The following MBOAT2 variants were observed in gnomAD, a reference collection of about 807,000 sequenced individuals.
The protein encoded by MBOAT2 is membrane bound glycerophospholipid O-acyltransferase 2, also known as membrane-bound glycerophospholipid O-acyltransferase 2.
A neutral mutation model predicts 63.4 loss-of-function variants in MBOAT2; 28 were observed. That is an observed-to-expected ratio of 0.44 (90% CI 0.33 to 0.61). MBOAT2 has a LOEUF of 0.61. Among genes scored for constraint, MBOAT2 ranks in the 20% least tolerant of loss-of-function variants. The pLI is 0.03. For missense variants in MBOAT2, 470 were observed against 605.8 expected (o/e 0.78, Z 2.35); for synonymous variants, 211 against 215.6 (o/e 0.98, Z 0.19).
At chr2:8,964,469 A>G (rs1669847006) in intron 1 of MBOAT2, among the ~76,000 whole-genome samples, 1 of 151,296 alleles carries the variant, frequency 6.6e-6, no homozygotes. Flanking sequence ...ACTAATTTAC[A>G]TATTGCATTG....
intron 3 of MBOAT2, among the ~76,000 whole-genome samples, chr2:8,913,631 C>T (rs555901629): frequency 2.0e-5 from 3 of 152,084 alleles, no homozygotes; most frequent in African/African-American, 7.3e-5. Context: ...CAATGTGATA[C>T]CACCTTACTC....
chr2:8,988,239 T>C (rs1461288748), intron 1 of MBOAT2, among the ~76,000 whole-genome samples: 2 of 152,216 alleles, frequency 1.3e-5, no homozygotes, highest in East Asian at 1.9e-4. Context: ...GTAGCATCCT[T>C]AAATTGGTGG....
At chr2:8,978,522 G>C (rs142578924) in intron 1 of MBOAT2, among the ~76,000 whole-genome samples, 7 of 152,158 alleles carry the variant, frequency 4.6e-5, no homozygotes, top group African/African-American at 1.7e-4. Context: ...GCCCAAATAA[G>C]AACTGTGATC....
chr2:8,996,773 A>G (rs1381396068), intron 1 of MBOAT2, among the ~76,000 whole-genome samples: 1 of 152,192 alleles, frequency 6.6e-6, no homozygotes. Context: ...CTTTGTAAAT[A>G]GCTCTTTAAG....
chr2:8,975,323 T>C (rs1670739187), intron 1 of MBOAT2, among the ~76,000 whole-genome samples: 1 of 152,138 alleles, frequency 6.6e-6, no homozygotes, highest in South Asian at 2.1e-4. Context: ...TTTAAAGTAA[T>C]TTCTGTACGT....
chr2:8,864,752 T>C lies in MBOAT2; in HGVS notation c.988-518A>G, dbSNP rs1661741086. On this transcript the variant is annotated intron_variant, in intron 9 of 12. Coordinates refer to ENST00000305997, the MANE Select transcript of MBOAT2 (RefSeq NM_138799.4). ...CTGCACACCCAGGTCTCACAGGGCATCCCACCTTCCCAGCTTCCTCTCTCA... is the reference window on the plus strand; with the variant it reads ...CTGCACACCCAGGTCTCACAGGGCACCCCACCTTCCCAGCTTCCTCTCTCA... 3.3e-5 allele frequency among the ~76,000 whole-genome samples: 5 copies of C among 152,220 alleles called. No individual in the cohort carries two copies. The South Asian group carries it at 1.0e-3, about 32-fold the overall frequency.
intron 2 of MBOAT2, among the ~76,000 whole-genome samples, chr2:8,955,736 C>G (rs546400360): frequency 2.6e-5 from 4 of 152,322 alleles, no homozygotes; most frequent in Admixed American, 1.3e-4. Flanking sequence ...CAAACAGCAT[C>G]ACATGCTACA....
chr2:8,924,270 T>G (rs1666786759), intron 3 of MBOAT2, among the ~76,000 whole-genome samples: 2 of 152,116 alleles, frequency 1.3e-5, no homozygotes, highest in African/African-American at 4.8e-5. Flanking sequence ...AGGATCCCAT[T>G]TCACTGATTA....
chr2:8,960,928 A>G (rs936628808), intron 1 of MBOAT2, among the ~76,000 whole-genome samples: 1 of 152,240 alleles, frequency 6.6e-6, no homozygotes, highest in Non-Finnish European at 1.5e-5. Context: ...GCACTTGGAC[A>G]TGAAAGCGCA....
intron 1 of MBOAT2, among the ~76,000 whole-genome samples, chr2:8,959,167 C>T (rs1480443993): frequency 1.3e-5 from 2 of 152,124 alleles, no homozygotes; most frequent in Non-Finnish European, 2.9e-5. Context: ...GAATCTACTG[C>T]GGCCTAAACA....
At chr2:8,873,025 A>C in intron 8 of MBOAT2, 83 bp downstream of exon 8, 1 of 1,311,770 alleles carries the variant, frequency 7.6e-7, no homozygotes, top group Non-Finnish European at 1.1e-6. Flanking sequence ...TGTATCCTCA[A>C]GAGGGCGCAC....
intron 3 of MBOAT2, among the ~76,000 whole-genome samples, chr2:8,933,609 T>C (rs112083984): frequency 5.9e-5 from 9 of 152,190 alleles, no homozygotes; most frequent in African/African-American, 1.9e-4. Context: ...CCCAAAGCAC[T>C]TGGGGTTACA....
chr2:8,978,275 T>G (rs919875311), intron 1 of MBOAT2, among the ~76,000 whole-genome samples: 1 of 152,052 alleles, frequency 6.6e-6, no homozygotes, highest in Non-Finnish European at 1.5e-5. Flanking sequence ...CCTCCACACA[T>G]GGAATGCACA....
intron 1 of MBOAT2, among the ~76,000 whole-genome samples, chr2:8,983,780 T>C (rs1270117431): frequency 6.6e-6 from 1 of 152,194 alleles, no homozygotes; most frequent in Non-Finnish European, 1.5e-5. Flanking sequence ...CCAGAAGTGA[T>C]GGAGCAGTGA....
intron 3 of MBOAT2, among the ~76,000 whole-genome samples, chr2:8,929,502 C>T (rs1200226842): frequency 1.3e-5 from 2 of 152,346 alleles, no homozygotes; most frequent in South Asian, 2.1e-4. Flanking sequence ...CAGGCATACA[C>T]CACTATGCCC....
At chr2:8,921,970 T>C (rs1666603678) in intron 3 of MBOAT2, among the ~76,000 whole-genome samples, 1 of 152,160 alleles carries the variant, frequency 6.6e-6, no homozygotes, top group African/African-American at 2.4e-5. Context: ...TCTGTCCCTT[T>C]CTCTCTCCCC....
At chr2:8,892,097 A>T (rs1664046638) in intron 4 of MBOAT2, among the ~76,000 whole-genome samples, 1 of 152,224 alleles carries the variant, frequency 6.6e-6, no homozygotes, top group African/African-American at 2.4e-5. Flanking sequence ...ACACAGTAAA[A>T]CTCAAATGTA....
intron 3 of MBOAT2, among the ~76,000 whole-genome samples, chr2:8,933,222 G>A (rs1667444502): frequency 6.6e-6 from 1 of 152,050 alleles, no homozygotes; most frequent in African/African-American, 2.4e-5. Flanking sequence ...ATGCATCCTT[G>A]TACTTTATCA....
chr2:8,978,679 C>T (rs1460789967), intron 1 of MBOAT2, among the ~76,000 whole-genome samples: 1 of 151,904 alleles, frequency 6.6e-6, no homozygotes, highest in Non-Finnish European at 1.5e-5. Context: ...GGGGAGTGAG[C>T]GGAGAGAGAG....
Sources: allele counts gnomAD v4.1 joint callset (sites outside exome capture counted in the v4.1 genomes callset), GRCh38; gene constraint gnomAD v4.1.1; transcripts MANE v1.5; gene names NCBI Gene and HGNC (gene_info 2026-07-23, HGNC 2026-07-21).